Variants in TENT5C observed in about 807,000 individuals in gnomAD.
TENT5C encodes terminal nucleotidyltransferase 5C.
In TENT5C, 5 loss-of-function variants were observed where a neutral mutation model predicts 22.2. The ratio of observed to expected loss-of-function variants is 0.22; its 90% CI spans 0.12 to 0.47. The LOEUF (loss-of-function observed/expected upper bound fraction) is 0.47. Among genes scored for constraint, TENT5C ranks in the 20% least tolerant of loss-of-function variants. The pLI, the probability that TENT5C is intolerant of heterozygous loss-of-function variation, is 0.99. For missense variants in TENT5C, 364 were observed against 500.9 expected, an observed-to-expected ratio of 0.73 and a Z score of 2.61; for synonymous variants, 199 against 195.4, an observed-to-expected ratio of 1.02 and a Z score of -0.15.
Position 117,624,226 on chromosome 1 carries a change from A to C in TENT5C, c.*182A>C. 1.7e-6 allele frequency: 1 copy of C among 587,924 alleles called. No individual in the cohort carries two copies. Among genetic ancestry groups the C allele is most frequent in the Non-Finnish European group, 3.0e-6 (1 of 333,542 alleles). The allele number at this position is 587,924 out of a possible 1,614,324, so 36.4% of individuals were successfully genotyped here. Reference sequence around the variant, plus strand: ...TGGGTCTACAGTGTATCATGAGCCAACCCTCAAAGGACCCGTATTACAGTG... The same window carrying C: ...TGGGTCTACAGTGTATCATGAGCCACCCCTCAAAGGACCCGTATTACAGTG... On this transcript the variant is annotated 3_prime_UTR_variant, in exon 2 of 2. Transcript: ENST00000369448.
intron 1 of TENT5C, among the ~76,000 whole-genome samples, chr1:117,619,188 T>C (rs2101077663): frequency 6.6e-6 from 1 of 152,344 alleles, no homozygotes; most frequent in East Asian, 1.9e-4. Flanking sequence ...GTAGAATCCC[T>C]ATGTCAAAGA....
intron 1 of TENT5C, among the ~76,000 whole-genome samples, chr1:117,622,488 T>TG (rs1339373247): frequency 1.3e-5 from 2 of 152,190 alleles, no homozygotes; most frequent in Non-Finnish European, 2.9e-5. Flanking sequence ...GCCAGAAAGC[T>TG]GGAGGAGTAA....
At chr1:117,622,372 A>T (rs1184299096) in intron 1 of TENT5C, among the ~76,000 whole-genome samples, 1 of 150,914 alleles carries the variant, frequency 6.6e-6, no homozygotes, top group Non-Finnish European at 1.5e-5. Flanking sequence ...TGTGTGTTGT[A>T]TATTCTGTGT....
chr1:117,620,414 C>T (rs1653867800), intron 1 of TENT5C, among the ~76,000 whole-genome samples: 1 of 152,200 alleles, frequency 6.6e-6, no homozygotes, highest in Admixed American at 6.5e-5. Flanking sequence ...GAAAGCACAA[C>T]AGGTGATTCA....
Position 117,627,761 on chromosome 1 carries a change from TGAG to T in TENT5C, c.*3721_*3723del, listed in dbSNP as rs1361463880. ...AAGTCGTGGGGGAGGGGGGCGGTGT[TGAG>T]GAGAGGTATTTTTAAAGATCTGGCA... On this transcript the variant is annotated 3_prime_UTR_variant, in exon 2 of 2. Coordinates refer to ENST00000369448, the MANE Select transcript of TENT5C (RefSeq NM_017709.4). 5 of 247,728 alleles carry T rather than the reference TGAG, an allele frequency of 2.0e-5. No individual in the cohort carries two copies. Among genetic ancestry groups the T allele is most frequent in the African/African-American group, 4.4e-5 (2 of 45,222 alleles). 15.3% of individuals were successfully genotyped at this position (247,728 alleles called of 1,614,324 possible).
intron 1 of TENT5C, among the ~76,000 whole-genome samples, chr1:117,618,210 T>C (rs922047750): frequency 2.0e-5 from 3 of 152,186 alleles, no homozygotes; most frequent in Admixed American, 6.5e-5. Context: ...GCATATTGTA[T>C]TTCTGAAAAA....
intron 1 of TENT5C, among the ~76,000 whole-genome samples, chr1:117,615,614 G>C (rs1653765274): frequency 6.6e-6 from 1 of 152,228 alleles, no homozygotes; most frequent in East Asian, 1.9e-4. Context: ...CATGTGAAGA[G>C]CCCTTGGAGG....
intron 1 of TENT5C, among the ~76,000 whole-genome samples, chr1:117,615,833 A>G (rs1255793426): frequency 6.6e-6 from 1 of 152,238 alleles, no homozygotes; most frequent in East Asian, 1.9e-4. Flanking sequence ...AGCAGAGAGT[A>G]AAGGCTGATT....
At chr1:117,607,279 G>C (rs1408930376) in intron 1 of TENT5C, among the ~76,000 whole-genome samples, 1 of 152,132 alleles carries the variant, frequency 6.6e-6, no homozygotes, top group Non-Finnish European at 1.5e-5. Context: ...CTTCCCCTTC[G>C]CCCTTTTTTG....
chr1:117,617,950 A>G (rs1333517299), intron 1 of TENT5C, among the ~76,000 whole-genome samples: 1 of 152,234 alleles, frequency 6.6e-6, no homozygotes, highest in East Asian at 1.9e-4. Flanking sequence ...TAATAGGCAC[A>G]AGTGACTTAT....
intron 1 of TENT5C, among the ~76,000 whole-genome samples, chr1:117,615,655 A>C (rs1341582084): frequency 6.6e-6 from 1 of 152,158 alleles, no homozygotes; most frequent in African/African-American, 2.4e-5. Flanking sequence ...TGCCAGAGAA[A>C]AGGATGTGGG....
At position 117,625,568 on chromosome 1, in the gene TENT5C, C is replaced by G. The variant is rs1570866261; in HGVS notation, c.*1524C>G. 1 of 248,070 alleles carries G rather than the reference C, an allele frequency of 4.0e-6. No homozygotes were observed. Among genetic ancestry groups the G allele is most frequent in the Middle Eastern group, 1.3e-3 (1 of 788 alleles). 15.4% of individuals were successfully genotyped at this position (248,070 alleles called of 1,614,324 possible). A position where few individuals can be genotyped will look rare whatever the true frequency, so the allele number is the denominator to read the frequency against. On this transcript the variant is annotated 3_prime_UTR_variant, in exon 2 of 2. Coordinates refer to ENST00000369448, the MANE Select transcript of TENT5C (RefSeq NM_017709.4). Reference sequence around the variant, plus strand: ...GGCAGAGACACTCAATATTGCCAGCCAGCTTGGGTTCTAAAGTGATTTAAT... The same window carrying G: ...GGCAGAGACACTCAATATTGCCAGCGAGCTTGGGTTCTAAAGTGATTTAAT...
chr1:117,608,115 A>C (rs889826478), intron 1 of TENT5C, among the ~76,000 whole-genome samples: 1 of 152,020 alleles, frequency 6.6e-6, no homozygotes, highest in African/African-American at 2.4e-5. Flanking sequence ...AGGCCTCTAA[A>C]TTGTTACCAA....
At chr1:117,610,718 G>A (rs1653652359) in intron 1 of TENT5C, among the ~76,000 whole-genome samples, 1 of 152,214 alleles carries the variant, frequency 6.6e-6, no homozygotes, top group African/African-American at 2.4e-5. Context: ...TAGTAGAGAT[G>A]GGGTTTCACC....
chr1:117,609,999 C>T (rs1290946569), intron 1 of TENT5C, among the ~76,000 whole-genome samples: 4 of 152,278 alleles, frequency 2.6e-5, no homozygotes, highest in Non-Finnish European at 4.4e-5. Flanking sequence ...GCTCCAGACC[C>T]ACTCCCTTAA....
At chr1:117,609,679 C>T (rs766211159) in intron 1 of TENT5C, among the ~76,000 whole-genome samples, 11 of 152,194 alleles carry the variant, frequency 7.2e-5, no homozygotes, top group African/African-American at 1.9e-4. Flanking sequence ...CGAGGCACTC[C>T]GATTTCTCTC....
chr1:117,625,989 G>A lies in TENT5C; in HGVS notation c.*1945G>A, dbSNP rs1372942926. The A allele has an allele frequency of 1.2e-5, 3 of 245,542 alleles. No individual in the cohort carries two copies. The highest frequency in any genetic ancestry group is 1.2e-4 in the East Asian group (2 of 16,336). 15.2% of individuals were successfully genotyped at this position (245,542 alleles called of 1,614,324 possible). On this transcript the variant is annotated 3_prime_UTR_variant, in exon 2 of 2. Coordinates refer to ENST00000369448, the MANE Select transcript of TENT5C (RefSeq NM_017709.4). ...AGTGTGCTTCAGTGTTAAGAGTGGG[G>A]CAATGAAGAGTGAACCCCAATGAAG...
At chr1:117,610,642 C>T (rs1653651359) in intron 1 of TENT5C, among the ~76,000 whole-genome samples, 1 of 152,212 alleles carries the variant, frequency 6.6e-6, no homozygotes, top group African/African-American at 2.4e-5. Flanking sequence ...ATCCTCCTAC[C>T]TCAGCCTCCT....
chr1:117,618,466 A>C (rs1211556192), intron 1 of TENT5C, among the ~76,000 whole-genome samples: 1 of 147,762 alleles, frequency 6.8e-6, no homozygotes, highest in Non-Finnish European at 1.5e-5. Flanking sequence ...ATTCTAAAGG[A>C]AAAGAGTCTC....
Sources: gnomAD v4.1 joint callset for allele counts (sites outside exome capture counted in the v4.1 genomes callset) on GRCh38, gnomAD v4.1.1 for gene constraint, MANE v1.5 for transcripts, NCBI Gene and HGNC (gene_info 2026-07-23, HGNC 2026-07-21) for gene names.